Variants in VIPR1 observed in about 807,000 individuals in gnomAD.
The protein encoded by VIPR1 is vasoactive intestinal peptide receptor 1, also known as vasoactive intestinal polypeptide receptor 1.
Under a neutral mutation model 58.8 loss-of-function variants are expected in VIPR1, and 59 were observed. The ratio of observed to expected loss-of-function variants is 1.00; its 90% CI spans 0.81 to 1.25. The LOEUF (loss-of-function observed/expected upper bound fraction) is 1.25. Among genes scored for constraint, VIPR1 ranks in the 50% most tolerant of loss-of-function variants. The pLI, the probability that VIPR1 is intolerant of heterozygous loss-of-function variation, is 0.00. For synonymous variants in VIPR1, 251 were observed against 242.1 expected (o/e 1.04, Z -0.34); for missense variants, 626 against 602.7 (o/e 1.04, Z -0.40).
At chr3:42,504,503 A>G (rs1577199913) in intron 1 of VIPR1, among the ~76,000 whole-genome samples, 1 of 149,588 alleles carries the variant, frequency 6.7e-6, no homozygotes, top group African/African-American at 2.5e-5. Flanking sequence ...AGCCCTACCC[A>G]CCTCCCAGGC....
chr3:42,509,656 G>A (rs1339154596), intron 1 of VIPR1: 4 of 152,242 alleles, frequency 2.6e-5, no homozygotes, highest in Admixed American at 6.5e-5. Flanking sequence ...CTTCTTTGGG[G>A]CAGGAGTTCC....
chr3:42,519,523 T>G (rs1440602683), intron 3 of VIPR1, 193 bp downstream of exon 3: 1 of 477,796 alleles, frequency 2.1e-6, no homozygotes, highest in Non-Finnish European at 3.7e-6. Flanking sequence ...CACATAAAGA[T>G]AAGCATGTGG....
At chr3:42,492,686 C>T (rs1333910237) in intron 1 of VIPR1, among the ~76,000 whole-genome samples, 4 of 152,232 alleles carry the variant, frequency 2.6e-5, no homozygotes, top group Non-Finnish European at 5.9e-5. Context: ...CCTGTCCAGG[C>T]ATTTGTTTTC....
At chr3:42,517,311 G>C (rs1700681922) in intron 2 of VIPR1, among the ~76,000 whole-genome samples, 1 of 152,226 alleles carries the variant, frequency 6.6e-6, no homozygotes, top group Non-Finnish European at 1.5e-5. Context: ...CTTCGGACCT[G>C]AGCTGGGCTG....
chr3:42,531,131 ACCTAGGGCTG>A, intron 7 of VIPR1, 199 bp downstream of exon 7: 2 of 700,634 alleles, frequency 2.9e-6, no homozygotes, highest in Non-Finnish European at 4.7e-6. Flanking sequence ...TTGCAGCTGC[ACCTAGGGCTG>A]ACCTGTGGGA....
intron 1 of VIPR1, among the ~76,000 whole-genome samples, chr3:42,510,829 T>G (rs758014689): frequency 2.0e-5 from 3 of 152,074 alleles, no homozygotes; most frequent in Non-Finnish European, 2.9e-5. Context: ...GGAAGGGCTG[T>G]GTGTCTGTGC....
At chr3:42,527,293 T>C in intron 4 of VIPR1, 100 bp from the exon 5 acceptor site, 2 of 1,109,818 alleles carry the variant, frequency 1.8e-6, no homozygotes, top group East Asian at 2.5e-5. Flanking sequence ...TGAGGCAGGG[T>C]TGGGCAGGCA....
intron 3 of VIPR1, among the ~76,000 whole-genome samples, chr3:42,524,853 C>A (rs897199975): frequency 6.6e-6 from 1 of 152,154 alleles, no homozygotes; most frequent in Admixed American, 6.5e-5. Context: ...GGGCAAGTAA[C>A]CAACCTCTTG....
chr3:42,499,472 C>T (rs968681102), upstream of VIPR1, among the ~76,000 whole-genome samples: 1 of 152,224 alleles, frequency 6.6e-6, no homozygotes, highest in African/African-American at 2.4e-5. Context: ...CGCCACCTCC[C>T]GTGTCCTTGG....
chr3:42,518,953 A>T (rs1194536284), intron 2 of VIPR1, among the ~76,000 whole-genome samples: 1 of 152,166 alleles, frequency 6.6e-6, no homozygotes, highest in African/African-American at 2.4e-5. Flanking sequence ...TGCAACAGTC[A>T]AAACCACCAC....
intron 1 of VIPR1, among the ~76,000 whole-genome samples, chr3:42,492,914 C>T (rs1022211246): frequency 1.3e-5 from 2 of 152,232 alleles, no homozygotes; most frequent in African/African-American, 4.8e-5. Flanking sequence ...CTTGCCAGGA[C>T]CATGCAGGCT....
At chr3:42,492,021 C>T (rs1342426661) in intron 1 of VIPR1, among the ~76,000 whole-genome samples, 1 of 152,154 alleles carries the variant, frequency 6.6e-6, no homozygotes, top group Admixed American at 6.5e-5. Flanking sequence ...CCTGAGACTG[C>T]AAGCAAAGGG....
chr3:42,531,572 T>TG (rs779976956), intron 8 of VIPR1, 41 bp downstream of exon 8: 26 of 1,587,954 alleles, frequency 1.6e-5, no homozygotes, highest in Non-Finnish European at 2.2e-5. Flanking sequence ...CGCCATCACT[T>TG]GGGCAGGCCC....
At chr3:42,518,979 C>G (rs1021403542) in intron 2 of VIPR1, among the ~76,000 whole-genome samples, 4 of 152,174 alleles carry the variant, frequency 2.6e-5, no homozygotes, top group Non-Finnish European at 5.9e-5. Flanking sequence ...TTGGAAACAT[C>G]CCCAGGGGGC....
At chr3:42,525,628 A>G (rs1354434072) in intron 3 of VIPR1, among the ~76,000 whole-genome samples, 2 of 152,204 alleles carry the variant, frequency 1.3e-5, no homozygotes, top group African/African-American at 4.8e-5. Context: ...ACTTGGGGTC[A>G]GGTTCAGACC....
At chr3:42,512,673 CTG>C in intron 1 of VIPR1, 1 of 920,776 alleles carries the variant, frequency 1.1e-6, no homozygotes, top group Non-Finnish European at 1.3e-6. Context: ...GGAGGAGACA[CTG>C]AGAATGTCTG....
chr3:42,513,964 G>C (rs1700491518), intron 2 of VIPR1, 110 bp downstream of exon 2: 1 of 1,243,536 alleles, frequency 8.0e-7, no homozygotes, highest in Non-Finnish European at 1.1e-6. Context: ...TTGGATGATG[G>C]TGAGGAGCGG....
At chr3:42,493,721 T>G (rs949502455) in intron 1 of VIPR1, among the ~76,000 whole-genome samples, 2 of 152,198 alleles carry the variant, frequency 1.3e-5, no homozygotes, top group African/African-American at 2.4e-5. Context: ...GAAAGTTAAA[T>G]AGATACTCCC....
chr3:42,502,599 C>A, upstream of VIPR1: 1 of 632,730 alleles, frequency 1.6e-6, no homozygotes, highest in African/African-American at 1.9e-5. Flanking sequence ...CCGCCCCCAG[C>A]CCTGAGCTGC....
Sources: allele counts gnomAD v4.1 joint callset (sites outside exome capture counted in the v4.1 genomes callset), GRCh38; gene constraint gnomAD v4.1.1; transcripts MANE v1.5; gene names NCBI Gene and HGNC (gene_info 2026-07-23, HGNC 2026-07-21).